ACE: variants seen among roughly 807,000 people sequenced by gnomAD.
The protein encoded by ACE is angiotensin-converting enzyme.
Under a neutral mutation model 162.3 loss-of-function variants are expected in ACE, and 122 were observed. The ratio of observed to expected loss-of-function variants is 0.75; its 90% CI spans 0.65 to 0.87. The LOEUF (loss-of-function observed/expected upper bound fraction) is 0.87, where lower values mean the gene tolerates loss of function less well. Among genes scored for constraint, ACE ranks in the 40% least tolerant of loss-of-function variants. ACE has a pLI of 0.00. For synonymous variants in ACE, 796 were observed against 720.6 expected (o/e 1.10, Z -1.68); for missense variants, 1,799 against 1,735.1 (o/e 1.04, Z -0.65).
rs2029871990 is a variant in ACE, at chr17:63,485,243, G to T, written c.1929G>T (p.Val643=). 1 of 1,614,028 alleles carries T rather than the reference G, an allele frequency of 6.2e-7. No homozygotes were observed. ...PDNYPEGIDL[V]TDEAEASKFV... is the part of the protein sequence containing the mutation. The stretch of plus-strand genomic sequence containing the variant: ...CTGCACTCTGTCCCACAGACCTGGT[G>T]ACTGATGAGGCTGAGGCCAGCAAGT... The change falls in exon 13 of 25, where the codon GTG becomes GTT. Residue 643 remains valine (V), a synonymous_variant. Coordinates refer to ENST00000290866, the MANE Select transcript of ACE (RefSeq NM_000789.4).
chr17:63,496,573 T>C, intron 23 of ACE, 57 bp downstream of exon 23: 1 of 1,612,290 alleles, frequency 6.2e-7, no homozygotes, highest in Non-Finnish European at 8.5e-7. Flanking sequence ...CCCTGGGCCT[T>C]GAGGGGTCTG....
intron 1 of ACE, 130 bp downstream of exon 1, chr17:63,477,473 G>A: frequency 1.4e-6 from 1 of 725,828 alleles, no homozygotes; most frequent in Non-Finnish European, 1.7e-6. Context: ...CCCTCGCCCC[G>A]ACAGTCAGCC....
chr17:63,495,455 C>T (rs1328134729), intron 22 of ACE, among the ~76,000 whole-genome samples: 1 of 152,216 alleles, frequency 6.6e-6, no homozygotes, highest in Non-Finnish European at 1.5e-5. Flanking sequence ...CACCTTGCCT[C>T]CTGGCACCTG....
At position 63,481,157 on chromosome 17, in the gene ACE, A is replaced by T. The variant is rs141186617; in HGVS notation, c.914A>T (p.Asn305Ile). The T allele has an allele frequency of 7.0e-7, 1 of 1,419,724 alleles. No individual in the cohort carries two copies. Among genetic ancestry groups the T allele is most frequent in the Non-Finnish European group, 9.4e-7 (1 of 1,058,908 alleles). 87.9% of individuals were successfully genotyped at this position (1,419,724 alleles called of 1,614,324 possible). ...DMVVPFPDKP[N>I]LDVTSTMLQQ... Reference sequence around the variant, plus strand: ...GTGGTGCCTTTCCCAGACAAGCCCAACCTCGATGTCACCAGTACTATGCTG... The same window carrying T: ...GTGGTGCCTTTCCCAGACAAGCCCATCCTCGATGTCACCAGTACTATGCTG... Residue 305 changes from asparagine to isoleucine, a missense_variant, in exon 6 of 25, where the codon AAC (asparagine) becomes ATC (isoleucine). By Grantham distance (149) the Asn-to-Ile change is moderately radical. Transcript: ENST00000290866.
intron 13 of ACE, among the ~76,000 whole-genome samples, chr17:63,485,982 GAATAATTTGTACATA>G (rs1015095417): frequency 6.6e-6 from 1 of 152,078 alleles, no homozygotes; most frequent in Admixed American, 6.6e-5. Flanking sequence ...TCTAGTAACA[GAATAATTTGTACATA>G]AATAAGTGGT....
At position 63,480,322 on chromosome 17, in the gene ACE, C is replaced by T. The variant is rs749344508; in HGVS notation, c.656-15C>T. 2.5e-6 allele frequency: 4 copies of T among 1,613,106 alleles called. No individual in the cohort carries two copies. In the African/African-American group the frequency reaches 4.0e-5, roughly 16 times the overall value. On this transcript the variant is annotated splice_polypyrimidine_tract_variant and intron_variant, in intron 4 of 24. Coordinates refer to ENST00000290866, the MANE Select transcript of ACE (RefSeq NM_000789.4). ...CCTTTGGCCTGAGCTACATACCTCA[C>T]CCCCACGCCCCCAGGCTTCACAGAC... is the stretch of plus-strand genomic sequence containing the variant.
At position 63,494,170 on chromosome 17, in the gene ACE, G is replaced by GTA. The variant is rs2030579411; in HGVS notation, c.3281+105_3281+106dup. ...AGGGTAGGGGAGTGTGTGTGTGTGT[G>GTA]TACACTATTGTGTCTGTGCATATGA... On this transcript the variant is annotated intron_variant, in intron 21 of 24. Coordinates refer to ENST00000290866, the MANE Select transcript of ACE (RefSeq NM_000789.4). 16 of 1,403,168 alleles carry GTA rather than the reference G, an allele frequency of 1.1e-5. No individual in the cohort carries two copies. The South Asian group carries it at 1.8e-4, about 16-fold the overall frequency. 86.9% of individuals were successfully genotyped at this position (1,403,168 alleles called of 1,614,324 possible). A position where few individuals can be genotyped will look rare whatever the true frequency, so the allele number is the denominator to read the frequency against.
chr17:63,486,527 C>G (rs769619616), intron 13 of ACE, 30 bp from the exon 14 acceptor site: 42 of 1,612,990 alleles, frequency 2.6e-5, no homozygotes, highest in Non-Finnish European at 3.4e-5. Context: ...AGCTCCTGGG[C>G]CCTGTGACAC....
rs12720730 is a variant in ACE, at chr17:63,486,354, C to T, written c.2059-203C>T. The T allele has an allele frequency of 5.4e-3, 3,378 of 630,780 alleles. 27 individuals carry two copies. The highest frequency in any genetic ancestry group is 0.032 in the Middle Eastern group (75 of 2,352). 39.1% of individuals were successfully genotyped at this position (630,780 alleles called of 1,614,324 possible). On this transcript the variant is annotated intron_variant, in intron 13 of 24. Transcript: ENST00000290866. ...CCTGCCTGGATATGTGTTGCTTGAC[C>T]GCAGGCATCCAGGGAGGGTGAGTAC...
Position 63,496,803 on chromosome 17 carries a change from C to T in ACE, c.3509C>T (p.Ala1170Val), listed in dbSNP as rs2030766252. ...CCTGTCTCATGCCTCCCCAGGACCG[C>T]CATGAAGCTGGGCTTCAGTAGGCCG... ...SKEAGQRLAT[A>V]MKLGFSRPWP... The change falls in exon 24 of 25, where the codon GCC becomes GTC. Residue 1170 changes from alanine to valine, a missense_variant. Coordinates refer to ENST00000290866, the MANE Select transcript of ACE (RefSeq NM_000789.4). 2 of 1,612,190 alleles carry T rather than the reference C, an allele frequency of 1.2e-6. No individual in the cohort carries two copies. Among genetic ancestry groups the T allele is most frequent in the Admixed American group, 1.7e-5 (1 of 60,006 alleles).
At chr17:63,495,369 C>T (rs1280056062) in intron 22 of ACE, among the ~76,000 whole-genome samples, 2 of 152,210 alleles carry the variant, frequency 1.3e-5, no homozygotes, top group Admixed American at 6.5e-5. Context: ...CCCAGGCCAC[C>T]CCCAGAGGGC....
chr17:63,481,079 T>C lies in ACE; in HGVS notation c.848-12T>C. 1 of 1,613,676 alleles carries C rather than the reference T, an allele frequency of 6.2e-7. No individual in the cohort carries two copies. The highest frequency in any genetic ancestry group is 1.1e-5 in the South Asian group (1 of 91,070). On this transcript the variant is annotated splice_polypyrimidine_tract_variant and intron_variant, in intron 5 of 24. Transcript: ENST00000290866. ...GCAGGGAGCCAAGCTGTCCCCTTCC[T>C]TCCTTATCTAGGAGACATGTGGGCC...
chr17:63,495,338 G>T (rs1285418249), intron 22 of ACE, among the ~76,000 whole-genome samples: 1 of 152,176 alleles, frequency 6.6e-6, no homozygotes, highest in East Asian at 1.9e-4. Flanking sequence ...GGAGTTCCAG[G>T]TGCCCCCGGG....
At chr17:63,479,940 C>G (rs748652623) in intron 4 of ACE, 28 bp downstream of exon 4, 8 of 1,593,774 alleles carry the variant, frequency 5.0e-6, no homozygotes, top group Non-Finnish European at 6.0e-6. Context: ...TGTCCAGGAA[C>G]CACGCCAGGT....
Position 63,486,683 on chromosome 17 carries a change from C to T in ACE, c.2185C>T (p.Arg729Trp), listed in dbSNP as rs375232467. 1.1e-5 allele frequency: 18 copies of T among 1,614,112 alleles called. No individual in the cohort carries two copies. Among genetic ancestry groups the T allele is most frequent in the African/African-American group, 1.1e-4 (8 of 74,946 alleles). Residue 729 changes from arginine (R) to tryptophan (W), a missense_variant, in exon 14 of 25, where the codon CGG becomes TGG. By Grantham distance (101) the Arg-to-Trp change is moderately radical. Transcript: ENST00000290866. ...CATAAAGAAGGTTCAGGACCTAGAA[C>T]GGGCAGCACTGCCTGCCCAGGAGCT... is the stretch of plus-strand genomic sequence containing the variant. ...RIIKKVQDLE[R>W]AALPAQELEE...
intron 8 of ACE, among the ~76,000 whole-genome samples, 156 bp from the exon 9 acceptor site, chr17:63,482,873 G>C (rs1203215374): frequency 1.3e-5 from 2 of 152,144 alleles, no homozygotes; most frequent in South Asian, 4.1e-4. Flanking sequence ...ACACCTGGGG[G>C]TCCTCTTCCA....
At position 63,483,016 on chromosome 17, in the gene ACE, C is replaced by T. The variant is rs1159975601; in HGVS notation, c.1343-13C>T. 3 of 1,613,932 alleles carry T rather than the reference C, an allele frequency of 1.9e-6. No homozygotes were observed. Among genetic ancestry groups the T allele is most frequent in the East Asian group, 2.2e-5 (1 of 44,878 alleles). On this transcript the variant is annotated splice_polypyrimidine_tract_variant and intron_variant, in intron 8 of 24. Coordinates refer to ENST00000290866, the MANE Select transcript of ACE (RefSeq NM_000789.4). ...TGACCTCTTCCCTCTCCTTTCATCT[C>T]ATCTCCCAACAGAAAGTGACATCAA...
intron 2 of ACE, chr17:63,478,497 C>T (rs916610643): frequency 9.9e-6 from 3 of 303,102 alleles, no homozygotes; most frequent in African/African-American, 6.6e-5. Context: ...AAAACCTCGT[C>T]TCTACAAAAA....
At position 63,486,970 on chromosome 17, in the gene ACE, C is replaced by T. The variant is rs1441524472; in HGVS notation, c.2218-16C>T. 5.0e-6 allele frequency: 8 copies of T among 1,608,904 alleles called. No homozygotes were observed. The highest frequency in any genetic ancestry group is 6.0e-6 in the Non-Finnish European group (7 of 1,175,458). ...TGCAAAGGAGTACAGCTCATTGCCT[C>T]TCCTTCCTCCTGCAGTACAACAAGA... On this transcript the variant is annotated splice_polypyrimidine_tract_variant and intron_variant, in intron 14 of 24. Transcript: ENST00000290866.
Sources: gnomAD v4.1 joint callset for allele counts (sites outside exome capture counted in the v4.1 genomes callset) on GRCh38, gnomAD v4.1.1 for gene constraint, MANE v1.5 for transcripts, NCBI Gene and HGNC (gene_info 2026-07-23, HGNC 2026-07-21) for gene names.